The following DYNC1LI1 variants were observed in gnomAD, a reference collection of about 807,000 sequenced individuals.
DYNC1LI1 encodes the protein cytoplasmic dynein 1 light intermediate chain 1.
A neutral mutation model predicts 63.8 loss-of-function variants in DYNC1LI1; 19 were observed. The ratio of observed to expected loss-of-function variants is 0.30; its 90% CI spans 0.21 to 0.44. DYNC1LI1 has a LOEUF of 0.44. DYNC1LI1 is among the 20% of genes least tolerant of loss of function. DYNC1LI1 has a pLI of 1.00. For missense variants in DYNC1LI1, 565 were observed against 630.2 expected, an observed-to-expected ratio of 0.90 and a Z score of 1.11; for synonymous variants, 225 against 232.3, an observed-to-expected ratio of 0.97 and a Z score of 0.28.
At chr3:32,554,863 A>ATTTTTTTTTTTTTTTTTTTT (rs11434502) in intron 2 of DYNC1LI1, among the ~76,000 whole-genome samples, 2 of 104,720 alleles carry the variant, frequency 1.9e-5, no homozygotes, top group African/African-American at 3.9e-5. Flanking sequence ...AAATTTTTGA[A>ATTTTTTTTTTTTTTTTTTTT]TTTTTTTTTT....
rs58724831 is a variant in DYNC1LI1 at position 32,537,971 on chromosome 3, T to TAATATATATATA, written c.739-868_739-867insTATATATATATT. On this transcript the variant is annotated intron_variant, in intron 5 of 12. Coordinates refer to ENST00000273130, the MANE Select transcript of DYNC1LI1 (RefSeq NM_016141.4). Reference sequence around the variant, plus strand: ...ATAATTTATATATATAATATATATATATTTATATATAATATATATATATAA... The same window carrying TAATATATATATA: ...ATAATTTATATATATAATATATATATAATATATATATAATTTATATATAATATATATATATAA... 2.3e-3 allele frequency among the ~76,000 whole-genome samples: 80 copies of TAATATATATATA among 34,890 alleles called. 19 individuals carry two copies. The highest frequency in any genetic ancestry group is 2.8e-3 in the Non-Finnish European group (61 of 21,636). The allele number at this position is 34,890 out of a possible 152,430, so 22.9% of individuals were successfully genotyped here. A position where few individuals can be genotyped will look rare whatever the true frequency, so the allele number is the denominator to read the frequency against.
At chr3:32,564,347 A>G (rs1698232230) in intron 2 of DYNC1LI1, among the ~76,000 whole-genome samples, 1 of 152,198 alleles carries the variant, frequency 6.6e-6, no homozygotes, top group South Asian at 2.1e-4. Context: ...ACAAACAAAC[A>G]AACACAGAGG....
intron 4 of DYNC1LI1, 87 bp downstream of exon 4, chr3:32,544,789 T>C (rs1697930043): frequency 1.0e-6 from 1 of 964,194 alleles, no homozygotes; most frequent in Non-Finnish European, 1.6e-6. Context: ...TCATTAAACC[T>C]TTTTTATAGT....
intron 6 of DYNC1LI1, among the ~76,000 whole-genome samples, chr3:32,536,765 G>C (rs1218086307): frequency 6.6e-6 from 1 of 152,006 alleles, no homozygotes; most frequent in Non-Finnish European, 1.5e-5. Flanking sequence ...ACATACAATT[G>C]GTAATTATTT....
chr3:32,534,206 A>G (rs573593157), intron 7 of DYNC1LI1, among the ~76,000 whole-genome samples: 3 of 152,258 alleles, frequency 2.0e-5, no homozygotes, highest in African/African-American at 7.2e-5. Context: ...TCTAGATCTC[A>G]TATTTGGTCA....
intron 6 of DYNC1LI1, among the ~76,000 whole-genome samples, chr3:32,535,469 T>G (rs557177589): frequency 3.9e-5 from 6 of 152,310 alleles, no homozygotes; most frequent in African/African-American, 1.2e-4. Flanking sequence ...GTCTAACTTC[T>G]TAACTGGGAT....
At chr3:32,530,431 A>C (rs749251070) in intron 9 of DYNC1LI1, 30 bp downstream of exon 9, 4 of 1,609,950 alleles carry the variant, frequency 2.5e-6, no homozygotes, top group Non-Finnish European at 3.4e-6. Context: ...CATTAACCAT[A>C]CTAAGTCTGC....
intron 2 of DYNC1LI1, among the ~76,000 whole-genome samples, chr3:32,554,379 A>G (rs1040821642): frequency 1.3e-5 from 2 of 152,254 alleles, no homozygotes; most frequent in African/African-American, 4.8e-5. Context: ...TATGTTAAAC[A>G]TAGTAGTTTC....
chr3:32,536,281 A>T (rs1394078573), intron 6 of DYNC1LI1, among the ~76,000 whole-genome samples: 1 of 152,172 alleles, frequency 6.6e-6, no homozygotes, highest in Non-Finnish European at 1.5e-5. Flanking sequence ...TTCAGACTCA[A>T]AAACTTTGGC....
rs374520445 is a variant in DYNC1LI1, at chr3:32,533,566, C to CT, written c.969-470dup. Reference sequence around the variant, plus strand: ...TTACCTCCCAATTTTATACGGTTACCTTTTTTTTTTTTTTTTTGAGACAGA... The same window carrying CT: ...TTACCTCCCAATTTTATACGGTTACCTTTTTTTTTTTTTTTTTTGAGACAGA... On this transcript the variant is annotated intron_variant, in intron 7 of 12. Coordinates refer to ENST00000273130, the MANE Select transcript of DYNC1LI1 (RefSeq NM_016141.4). Among the ~76,000 whole-genome samples the CT allele has an allele frequency of 4.7e-3, 661 of 139,626 alleles. 2 individuals are homozygous for CT. The highest frequency in any genetic ancestry group is 7.5e-3 in the Middle Eastern group (2 of 268). The allele number at this position is 139,626 out of a possible 152,430, so 91.6% of individuals were successfully genotyped here.
chr3:32,533,806 T>A (rs1369245903), intron 7 of DYNC1LI1, among the ~76,000 whole-genome samples: 3 of 151,120 alleles, frequency 2.0e-5, no homozygotes, highest in Admixed American at 6.6e-5. Flanking sequence ...AAATAATCCT[T>A]CCACCTCAGC....
At position 32,534,499 on chromosome 3, in the gene DYNC1LI1, G is replaced by A; in HGVS notation, c.968+12C>T. On this transcript the variant is annotated intron_variant, in intron 7 of 12. Transcript: ENST00000273130. ...ATACATGATAAAATTATATATTTAA[G>A]AGTACACTTACATAAATACTGCATC... 1 of 1,541,310 alleles carries A rather than the reference G, an allele frequency of 6.5e-7. No homozygotes were observed. The highest frequency in any genetic ancestry group is 8.8e-7 in the Non-Finnish European group (1 of 1,130,840).
chr3:32,541,317 G>C, intron 4 of DYNC1LI1, 111 bp from the exon 5 acceptor site: 1 of 686,668 alleles, frequency 1.5e-6, no homozygotes, highest in Non-Finnish European at 2.4e-6. Context: ...TCTTGTGTAA[G>C]AGAAGAAACA....
intron 5 of DYNC1LI1, among the ~76,000 whole-genome samples, chr3:32,538,023 T>TATATATATATA (rs1697817321): frequency 5.9e-5 from 1 of 16,924 alleles, no homozygotes; most frequent in African/African-American, 4.5e-4. Flanking sequence ...ATATATATAA[T>TATATATATATA]TTATATATAT....
chr3:32,536,657 C>G (rs1273707647), intron 6 of DYNC1LI1, among the ~76,000 whole-genome samples: 1 of 152,014 alleles, frequency 6.6e-6, no homozygotes, highest in Non-Finnish European at 1.5e-5. Context: ...AATGAAAACA[C>G]AAAAAACACA....
At position 32,528,561 on chromosome 3, in the gene DYNC1LI1, G is replaced by A. The variant is rs748296465; in HGVS notation, c.1347C>T (p.Asn449=). ...AGCCAGTCTTTTTACTCAACAAACT[G>A]TTGAAGAAATTTGCCAGAACGCCTT... The part of the protein sequence containing the change: ...TSEGVLANFF[N]SLLSKKTGSP... The change falls in exon 12 of 13, where the codon AAC becomes AAT. Residue 449 remains asparagine, a synonymous_variant. Coordinates refer to ENST00000273130, the MANE Select transcript of DYNC1LI1 (RefSeq NM_016141.4). The A allele has an allele frequency of 1.9e-6, 3 of 1,613,044 alleles. No individual in the cohort carries two copies. Among genetic ancestry groups the A allele is most frequent in the Admixed American group, 3.3e-5 (2 of 59,916 alleles).
At chr3:32,562,927 GC>G (rs1698212515) in intron 2 of DYNC1LI1, among the ~76,000 whole-genome samples, 1 of 151,926 alleles carries the variant, frequency 6.6e-6, no homozygotes, top group Non-Finnish European at 1.5e-5. Context: ...TGCGTTTTAG[GC>G]CCTTTTCACA....
chr3:32,546,040 G>A (rs1459280873), intron 2 of DYNC1LI1, 75 bp from the exon 3 acceptor site: 36 of 1,014,746 alleles, frequency 3.5e-5, no homozygotes, highest in Non-Finnish European at 4.9e-5. Context: ...AGTACCAAGT[G>A]AAAAACCCAA....
Position 32,538,050 on chromosome 3 carries a change from TA to T in DYNC1LI1, c.739-947del, listed in dbSNP as rs55856033. On this transcript the variant is annotated intron_variant, in intron 5 of 12. Transcript: ENST00000273130. ...TATATATATAATATATATATATAAT[TA>T]TATATATATAATTTATTATATATAT... Among the ~76,000 whole-genome samples the T allele has an allele frequency of 3.1e-3, 160 of 51,618 alleles. 22 individuals carry two copies. Among genetic ancestry groups the T allele is most frequent in the African/African-American group, 8.8e-3 (111 of 12,602 alleles). 33.9% of individuals were successfully genotyped at this position (51,618 alleles called of 152,430 possible).
Sources: gnomAD v4.1 joint callset for allele counts (sites outside exome capture counted in the v4.1 genomes callset) on GRCh38, gnomAD v4.1.1 for gene constraint, MANE v1.5 for transcripts, NCBI Gene and HGNC (gene_info 2026-07-23, HGNC 2026-07-21) for gene names.